SREBF1: variants seen among roughly 807,000 people sequenced by gnomAD.
The protein encoded by SREBF1 is sterol regulatory element-binding protein 1.
In SREBF1, 45 loss-of-function variants were observed where a neutral mutation model predicts 100.1. The ratio of observed to expected loss-of-function variants is 0.45; its 90% CI spans 0.35 to 0.58. SREBF1 has a LOEUF of 0.58. Ranked by LOEUF, SREBF1 falls within the 20% of genes least tolerant of loss-of-function variation. SREBF1 has a pLI of 0.00. For missense variants in SREBF1, 1,324 were observed against 1,539.4 expected, an observed-to-expected ratio of 0.86 and a Z score of 2.34; for synonymous variants, 657 against 681.8, an observed-to-expected ratio of 0.96 and a Z score of 0.57.
chr17:17,834,981 AAAAC>A (rs895966716), intron 1 of SREBF1, among the ~76,000 whole-genome samples: 294 of 152,250 alleles, frequency 1.9e-3, no homozygotes, highest in African/African-American at 5.2e-3. Context: ...GCCACTGCAG[AAAAC>A]AAACAAACAA....
intron 1 of SREBF1, among the ~76,000 whole-genome samples, chr17:17,830,876 G>T (rs77941406): frequency 2.6e-5 from 4 of 152,344 alleles, no homozygotes; most frequent in East Asian, 3.9e-4. Context: ...TCAGTGCCCA[G>T]GGTCAAAAGG....
rs2035092286 is a variant in SREBF1 at position 17,834,283 on chromosome 17, A to G, written c.91+2444T>C. On this transcript the variant is annotated intron_variant, in intron 1 of 18. Coordinates refer to ENST00000261646, the MANE Select transcript of SREBF1 (RefSeq NM_004176.5). ...AATTTTTTATTTTTGTAGAGACAGG[A>G]TTTTGTCATGTTGCCCAGGCTGGTC... is the stretch of plus-strand genomic sequence containing the variant. Among the ~76,000 whole-genome samples, 3 of 152,062 alleles carry G rather than the reference A, an allele frequency of 2.0e-5. No individual in the cohort carries two copies. The South Asian group carries it at 6.2e-4, about 32-fold the overall frequency.
chr17:17,836,771 C>G lies in SREBF1; in HGVS notation c.47G>C (p.Gly16Ala), dbSNP rs1301522344. 3.2e-6 allele frequency: 5 copies of G among 1,569,094 alleles called. No individual in the cohort carries two copies. Among genetic ancestry groups the G allele is most frequent in the Non-Finnish European group, 4.3e-6 (5 of 1,165,532 alleles). Residue 16 changes from glycine (G) to alanine (A), a missense_variant, in exon 1 of 19, where the codon GGC becomes GCC. By Grantham distance (60) the Gly-to-Ala change is moderately conservative. Transcript: ENST00000261646. ...CGCCGCGTCCAGATCGCACGGCTCG[C>G]CCAGCGCCTGCTCCAAAGCCGCCTC... is the stretch of plus-strand genomic sequence containing the variant. ...FSEAALEQALGEPCDLDAALL... is the reference protein window; with the variant it reads ...FSEAALEQALAEPCDLDAALL...
In SREBF1 at chr17:17,819,567, T is replaced by C. The variant is rs2033925845; in HGVS notation, c.682A>G (p.Thr228Ala). The C allele has an allele frequency of 6.2e-7, 1 of 1,613,646 alleles. No individual in the cohort carries two copies. ...ACCTGCTGGATCTGCGAGGTCACAGTGGTCGTTACAGGGGCTGCCGTGGGG... is the reference window on the plus strand; with the variant it reads ...ACCTGCTGGATCTGCGAGGTCACAGCGGTCGTTACAGGGGCTGCCGTGGGG... ...AAPTAAPVTT[T>A]VTSQIQQVPV... Residue 228 changes from threonine to alanine, a missense_variant, in exon 3 of 19, where the codon ACT (threonine) becomes GCT (alanine). Transcript: ENST00000261646.
At position 17,814,833 on chromosome 17, in the gene SREBF1, AC is replaced by A; in HGVS notation, c.2602+1del. On this transcript the variant is annotated splice_donor_variant, in intron 14 of 18. Coordinates refer to ENST00000261646, the MANE Select transcript of SREBF1 (RefSeq NM_004176.5). LOFTEE classifies it high-confidence loss of function. Reference sequence around the variant, plus strand: ...GAGCCAGGACAGGGGCCGGGGACTCACCGGTGGTGGTGGCCATGCTGGAACT... The same window carrying A: ...GAGCCAGGACAGGGGCCGGGGACTCACGGTGGTGGTGGCCATGCTGGAACT... 2 of 1,598,164 alleles carry A rather than the reference AC, an allele frequency of 1.3e-6. No individual in the cohort carries two copies. The highest frequency in any genetic ancestry group is 1.7e-6 in the Non-Finnish European group (2 of 1,172,996).
chr17:17,818,452 A>T, intron 5 of SREBF1, 78 bp from the exon 6 acceptor site: 1 of 1,037,752 alleles, frequency 9.6e-7, no homozygotes, highest in Non-Finnish European at 1.5e-6. Flanking sequence ...AGCCCTAGCA[A>T]GGGGGTGCGG....
chr17:17,826,849 G>A (rs1192190059), intron 1 of SREBF1, among the ~76,000 whole-genome samples: 2 of 152,178 alleles, frequency 1.3e-5, no homozygotes, highest in Non-Finnish European at 2.9e-5. Context: ...AGGGCCCAAC[G>A]CTGACCAGCA....
chr17:17,813,247 C>T (rs1854508976), intron 18 of SREBF1, 121 bp downstream of exon 18: 2 of 1,061,872 alleles, frequency 1.9e-6, no homozygotes, highest in Non-Finnish European at 2.8e-6. Context: ...AGGTGTGAGC[C>T]ACTGCGCCAG....
At chr17:17,818,970 C>T (rs1410511346) in intron 5 of SREBF1, 43 bp downstream of exon 5, 7 of 1,597,762 alleles carry the variant, frequency 4.4e-6, no homozygotes, top group East Asian at 2.2e-5. Context: ...TCTGTTCCTT[C>T]CTAGGGACAC....
chr17:17,814,784 C>A (rs759785838), intron 14 of SREBF1, 37 bp from the exon 15 acceptor site: 1 of 1,610,434 alleles, frequency 6.2e-7, no homozygotes, highest in South Asian at 1.1e-5. Context: ...CCCTCAGTCA[C>A]GCTGCACGGG....
chr17:17,817,969 A>G lies in SREBF1; in HGVS notation c.1184-53T>C. 6.4e-7 allele frequency: 1 copy of G among 1,558,356 alleles called. No individual in the cohort carries two copies. Among genetic ancestry groups the G allele is most frequent in the Admixed American group, 1.7e-5 (1 of 59,962 alleles). ...AGTAAAGGCTGGATATGTGACCCCAAATCAGAGCCTAGGCCCTTGGAGGCC... is the reference window on the plus strand; with the variant it reads ...AGTAAAGGCTGGATATGTGACCCCAGATCAGAGCCTAGGCCCTTGGAGGCC... On this transcript the variant is annotated intron_variant, in intron 6 of 18. Coordinates refer to ENST00000261646, the MANE Select transcript of SREBF1 (RefSeq NM_004176.5). The surrounding 1 kb of genome is among the most constrained non-coding windows in gnomAD (Gnocchi z 6.6).
chr17:17,831,165 A>G (rs77831205), intron 1 of SREBF1, among the ~76,000 whole-genome samples: 1,187 of 63,816 alleles, frequency 0.019, 21 homozygotes, highest in African/African-American at 0.062. Flanking sequence ...GCTGTAAGCT[A>G]GGGCAGTAAC....
rs770043787 is a variant in SREBF1 at position 17,815,298 on chromosome 17, G to A, written c.2415C>T (p.Phe805=). The A allele has an allele frequency of 1.2e-6, 2 of 1,613,612 alleles. No individual in the cohort carries two copies. The highest frequency in any genetic ancestry group is 1.1e-5 in the South Asian group (1 of 91,090). The change falls in exon 13 of 19, where the codon TTC becomes TTT. Residue 805 remains phenylalanine, a synonymous_variant. Coordinates refer to ENST00000261646, the MANE Select transcript of SREBF1 (RefSeq NM_004176.5). The part of the protein sequence containing the change: ...VDPLAQVTQL[F]REHLLERALN... ...GTGCTCGCTCTAAGAGATGTTCCCG[G>A]AATAGCTGAGTCACCTGGGCCAGGG...
Position 17,824,682 on chromosome 17 carries a change from C to T in SREBF1, c.92-4161G>A, listed in dbSNP as rs544580278. ...CAAAGCCTGCCTCTGCCCCAAACTG[C>T]AGGCCAGCGCCTCTGCCTGGTCCAC... On this transcript the variant is annotated intron_variant, in intron 1 of 18. Transcript: ENST00000261646. This position sits in a 1 kb window ranked among gnomAD's most constrained non-coding sequence, Gnocchi z 4.2. 3.9e-5 allele frequency among the ~76,000 whole-genome samples: 6 copies of T among 152,324 alleles called. No homozygotes were observed. The South Asian group carries it at 1.2e-3, about 32-fold the overall frequency.
At position 17,823,620 on chromosome 17, in the gene SREBF1, G is replaced by C. The variant is rs762696464; in HGVS notation, c.92-3099C>G. On this transcript the variant is annotated intron_variant, in intron 1 of 18. Transcript: ENST00000261646. Reference sequence around the variant, plus strand: ...GCGCCGACTTCACCTGTCAAGGCGCGGCGGATTTTTGAAGCCGTTGAGCGC... The same window carrying C: ...GCGCCGACTTCACCTGTCAAGGCGCCGCGGATTTTTGAAGCCGTTGAGCGC... 1.2e-5 allele frequency: 20 copies of C among 1,606,568 alleles called. No individual in the cohort carries two copies. In the African/African-American group the frequency reaches 1.3e-4, roughly 11 times the overall value.
In SREBF1 at chr17:17,812,519, GTC is replaced by G; in HGVS notation, c.*101_*102del. The G allele has an allele frequency of 1.6e-6, 2 of 1,228,188 alleles. No individual in the cohort carries two copies. Among genetic ancestry groups the G allele is most frequent in the Non-Finnish European group, 2.3e-6 (2 of 873,620 alleles). 76.1% of individuals were successfully genotyped at this position (1,228,188 alleles called of 1,614,324 possible). A position where few individuals can be genotyped will look rare whatever the true frequency, so the allele number is the denominator to read the frequency against. On this transcript the variant is annotated 3_prime_UTR_variant, in exon 19 of 19. Transcript: ENST00000261646. ...CGCAGGTCGAACTGTGGAGGCCAGA[GTC>G]TCTTGCACTGCCTTCGGCCTTCAAA...
intron 1 of SREBF1, among the ~76,000 whole-genome samples, chr17:17,827,092 G>A (rs937070203): frequency 2.6e-5 from 4 of 151,284 alleles, no homozygotes; most frequent in South Asian, 2.1e-4. Flanking sequence ...GGAGTGGGCC[G>A]GAAGGGAGGG....
Position 17,817,715 on chromosome 17 carries a change from G to A in SREBF1, c.1385C>T (p.Pro462Leu), listed in dbSNP as rs746291029. 3.7e-6 allele frequency: 6 copies of A among 1,613,250 alleles called. No homozygotes were observed. The African/African-American group carries it at 6.7e-5, about 18-fold the overall frequency. Residue 462 changes from proline to leucine, a missense_variant, in exon 7 of 19, where the codon CCA becomes CTA. Coordinates refer to ENST00000261646, the MANE Select transcript of SREBF1 (RefSeq NM_004176.5). The surrounding 1 kb of genome is among the most constrained non-coding windows in gnomAD (Gnocchi z 6.6). ...CCCAACCTTGCTGTCCTCAAAGACT[G>A]GGCTGTCAGGCTCCGAGTCACTGCC... Reference protein sequence around the residue: ...GSGSDSEPDSPVFEDSKAKPE... With the variant: ...GSGSDSEPDSLVFEDSKAKPE...
rs748930258 is a variant in SREBF1 at position 17,817,402 on chromosome 17, C to A, written c.1460G>T (p.Arg487Leu). 1 of 1,601,876 alleles carries A rather than the reference C, an allele frequency of 6.2e-7. No individual in the cohort carries two copies. Among genetic ancestry groups the A allele is most frequent in the Non-Finnish European group, 8.5e-7 (1 of 1,174,568 alleles). Reference protein sequence around the residue: ...LHSRGMLDRSRLALCTLVFLC... With the variant: ...LHSRGMLDRSLLALCTLVFLC... ...GAAGACGAGCGTGCACAGGGCCAGGCGGGAGCGGTCCAGCATGCCCCGGCT... is the reference window on the plus strand; with the variant it reads ...GAAGACGAGCGTGCACAGGGCCAGGAGGGAGCGGTCCAGCATGCCCCGGCT... Residue 487 changes from arginine (R) to leucine (L), a missense_variant, in exon 8 of 19, where the codon CGC becomes CTC. Transcript: ENST00000261646. The surrounding 1 kb of genome is among the most constrained non-coding windows in gnomAD (Gnocchi z 6.6).
Sources: gnomAD v4.1 joint callset for allele counts (sites outside exome capture counted in the v4.1 genomes callset) on GRCh38, gnomAD v4.1.1 for gene constraint, Gnocchi (gnomAD v3.1) non-coding constraint, MANE v1.5 for transcripts, NCBI Gene and HGNC (gene_info 2026-07-23, HGNC 2026-07-21) for gene names.